UBE2E2: variants seen among roughly 807,000 people sequenced by gnomAD.
UBE2E2 encodes ubiquitin conjugating enzyme E2 E2.
In UBE2E2, 6 loss-of-function variants were observed where a neutral mutation model predicts 24.7. The observed-to-expected ratio is 0.24, with a 90% CI of 0.13 to 0.48. The LOEUF is 0.48. Ranked by LOEUF, UBE2E2 falls within the 20% of genes least tolerant of loss-of-function variation. The probability of loss-of-function intolerance (pLI) is 0.99; values close to 1 mark genes in which losing one functional copy is unlikely to be tolerated. For synonymous variants in UBE2E2, 104 were observed against 83.6 expected, an observed-to-expected ratio of 1.24 and a Z score of -1.33; for missense variants, 169 against 245.0, an observed-to-expected ratio of 0.69 and a Z score of 2.07.
intron 3 of UBE2E2, among the ~76,000 whole-genome samples, chr3:23,411,374 A>C (rs1697493695): frequency 6.6e-6 from 1 of 152,002 alleles, no homozygotes; most frequent in Non-Finnish European, 1.5e-5. Flanking sequence ...AGGCTTCTAG[A>C]CTTTGGGGAG....
At chr3:23,220,650 A>C (rs1236308833) in intron 3 of UBE2E2, among the ~76,000 whole-genome samples, 2 of 152,206 alleles carry the variant, frequency 1.3e-5, no homozygotes, top group East Asian at 1.9e-4. Flanking sequence ...CTGATCAATA[A>C]ATGTTTTCAT....
chr3:23,563,394 T>G (rs1245755918), intron 5 of UBE2E2, among the ~76,000 whole-genome samples: 2 of 152,226 alleles, frequency 1.3e-5, no homozygotes, highest in African/African-American at 4.8e-5. Context: ...GTGAGTTTCT[T>G]AGTCCTGAGT....
At chr3:23,267,934 A>G (rs1275813413) in intron 3 of UBE2E2, among the ~76,000 whole-genome samples, 4 of 151,812 alleles carry the variant, frequency 2.6e-5, no homozygotes, top group African/African-American at 9.7e-5. Context: ...CCAGCATATA[A>G]ACAGAACCAA....
At chr3:23,326,473 C>G (rs1038277985) in intron 3 of UBE2E2, among the ~76,000 whole-genome samples, 6 of 152,108 alleles carry the variant, frequency 3.9e-5, no homozygotes, top group African/African-American at 1.4e-4. Flanking sequence ...GGAATTAACC[C>G]TTTGAGCAGC....
chr3:23,540,404 GT>G (rs1695367585), intron 5 of UBE2E2, among the ~76,000 whole-genome samples: 1 of 151,238 alleles, frequency 6.6e-6, no homozygotes, highest in African/African-American at 2.4e-5. Context: ...TTGTTTGTTT[GT>G]TTGTTTGTTT....
At chr3:23,391,418 C>G (rs1696932284) in intron 3 of UBE2E2, among the ~76,000 whole-genome samples, 1 of 152,152 alleles carries the variant, frequency 6.6e-6, no homozygotes, top group Non-Finnish European at 1.5e-5. Flanking sequence ...CACTTGTCAT[C>G]AAAATTTTTG....
chr3:23,465,601 A>G (rs1216024170), intron 3 of UBE2E2, among the ~76,000 whole-genome samples: 2 of 152,192 alleles, frequency 1.3e-5, no homozygotes, highest in Non-Finnish European at 2.9e-5. Flanking sequence ...CAGAATAAGA[A>G]GTACTGGAAG....
intron 3 of UBE2E2, among the ~76,000 whole-genome samples, chr3:23,354,332 G>A (rs1288447087): frequency 6.6e-6 from 1 of 152,088 alleles, no homozygotes; most frequent in Non-Finnish European, 1.5e-5. Context: ...CATGGGCAAG[G>A]ACTTCATGTC....
At chr3:23,236,290 A>C (rs551928425) in intron 3 of UBE2E2, among the ~76,000 whole-genome samples, 13 of 152,268 alleles carry the variant, frequency 8.5e-5, no homozygotes, top group African/African-American at 3.1e-4. Flanking sequence ...AATAAAGACT[A>C]TTTAGTGGCA....
intron 4 of UBE2E2, among the ~76,000 whole-genome samples, chr3:23,529,471 A>C (rs904594192): frequency 6.6e-6 from 1 of 152,234 alleles, no homozygotes; most frequent in African/African-American, 2.4e-5. Flanking sequence ...TTTTAACGAA[A>C]GAACAGAGGC....
intron 3 of UBE2E2, among the ~76,000 whole-genome samples, chr3:23,449,346 C>CATTA (rs974098704): frequency 8.5e-5 from 13 of 152,120 alleles, no homozygotes; most frequent in African/African-American, 3.1e-4. Flanking sequence ...TTCCATTGAC[C>CATTA]ATTACATCAT....
intron 3 of UBE2E2, among the ~76,000 whole-genome samples, chr3:23,430,646 G>A (rs1215277570): frequency 2.0e-5 from 3 of 151,960 alleles, no homozygotes; most frequent in Non-Finnish European, 4.4e-5. Flanking sequence ...ATCCTCCTGA[G>A]TAGCTAGGAC....
At chr3:23,482,467 A>G (rs569519157) in intron 3 of UBE2E2, among the ~76,000 whole-genome samples, 1 of 152,110 alleles carries the variant, frequency 6.6e-6, no homozygotes, top group Non-Finnish European at 1.5e-5. Flanking sequence ...TCAGAGCTCA[A>G]TTAATTACCT....
chr3:23,311,939 G>A (rs1450287869), intron 3 of UBE2E2, among the ~76,000 whole-genome samples: 1 of 152,026 alleles, frequency 6.6e-6, no homozygotes, highest in Non-Finnish European at 1.5e-5. Flanking sequence ...AATTGTAATC[G>A]CCAGTGTTGG....
intron 5 of UBE2E2, among the ~76,000 whole-genome samples, chr3:23,582,069 A>T (rs772287051): frequency 2.0e-5 from 3 of 152,046 alleles, no homozygotes; most frequent in Non-Finnish European, 4.4e-5. Context: ...CTCCACCCTC[A>T]AGTAGGCCAT....
At chr3:23,424,771 C>A (rs1421056173) in intron 3 of UBE2E2, among the ~76,000 whole-genome samples, 1 of 152,076 alleles carries the variant, frequency 6.6e-6, no homozygotes, top group Non-Finnish European at 1.5e-5. Flanking sequence ...AGTATGATAG[C>A]TGAATTTTAT....
chr3:23,586,713 C>T (rs1251128743), intron 5 of UBE2E2, among the ~76,000 whole-genome samples: 1 of 152,106 alleles, frequency 6.6e-6, no homozygotes, highest in Non-Finnish European at 1.5e-5. Flanking sequence ...TGGTAATGGT[C>T]CTCACATCGT....
chr3:23,251,910 A>G (rs1171007519), intron 3 of UBE2E2, among the ~76,000 whole-genome samples: 1 of 152,248 alleles, frequency 6.6e-6, no homozygotes, highest in East Asian at 1.9e-4. Flanking sequence ...AGTGCTGCTA[A>G]CCTCATCACT....
intron 3 of UBE2E2, among the ~76,000 whole-genome samples, chr3:23,372,523 A>G (rs1025418824): frequency 2.0e-5 from 3 of 152,014 alleles, no homozygotes; most frequent in African/African-American, 7.2e-5. Flanking sequence ...TCTGTTTTGA[A>G]TTTTTTTCTT....
Sources: allele counts gnomAD v4.1 joint callset (sites outside exome capture counted in the v4.1 genomes callset), GRCh38; gene constraint gnomAD v4.1.1; transcripts MANE v1.5; gene names NCBI Gene and HGNC (gene_info 2026-07-23, HGNC 2026-07-21).